DCAF8L2: variants seen among roughly 807,000 people sequenced by gnomAD.
The protein encoded by DCAF8L2 is DDB1 and CUL4 associated factor 8 like 2, also known as DDB1- and CUL4-associated factor 8-like protein 2.
For synonymous variants in DCAF8L2, 200 were observed against 190.9 expected (o/e 1.05, Z -0.39); for missense variants, 430 against 490.7 (o/e 0.88, Z 1.17).
At chrX:27,514,673 AAAAAAAAAAAAAAAAAAAAAAAC>A in the DCAF8L2 span, among the ~76,000 whole-genome samples, 43 of 66,607 alleles carry the variant, frequency 6.5e-4, no homozygotes, top group African/African-American at 2.8e-3. Flanking sequence ...CGTCTCAAAA[AAAAAAAAAAAAAAAAAAAAAAAC>A]AAAAAAAAAA....
chrX:27,668,521 C>T (rs1032558880), intron 2 of DCAF8L2, among the ~76,000 whole-genome samples: 18 of 111,766 alleles, frequency 1.6e-4, no homozygotes, highest in African/African-American at 5.5e-4. Flanking sequence ...GTGGCTCACA[C>T]CTAGAGTTGT....
intron 4 of DCAF8L2, among the ~76,000 whole-genome samples, chrX:27,719,314 T>C (rs1424290035): frequency 9.0e-6 from 1 of 111,329 alleles, no homozygotes; most frequent in Non-Finnish European, 1.9e-5. Flanking sequence ...AGAACACTTT[T>C]TCTTATGATA....
chrX:27,602,578 C>T (rs1056254548), intron 1 of DCAF8L2, among the ~76,000 whole-genome samples: 2 of 110,392 alleles, frequency 1.8e-5, no homozygotes, highest in African/African-American at 6.6e-5. Flanking sequence ...TTTTATTGTC[C>T]TAAGAAAGTC....
intron 4 of DCAF8L2, among the ~76,000 whole-genome samples, chrX:27,744,017 GC>G (rs1922029607): frequency 9.0e-6 from 1 of 111,400 alleles, no homozygotes; most frequent in African/African-American, 3.3e-5. Flanking sequence ...ATAGACGTGA[GC>G]CACCAGGCCT....
At chrX:27,576,869 C>A in the DCAF8L2 span, among the ~76,000 whole-genome samples, 2 of 111,768 alleles carry the variant, frequency 1.8e-5, no homozygotes, top group Non-Finnish European at 3.8e-5. Context: ...TGAACTCAAA[C>A]TATCTATTAT....
At chrX:27,542,753 G>A in the DCAF8L2 span, among the ~76,000 whole-genome samples, 1 of 108,202 alleles carries the variant, frequency 9.2e-6, no homozygotes, top group Non-Finnish European at 1.9e-5. Context: ...CGTTTTAGCC[G>A]GGATGGTCTC....
At chrX:27,554,862 C>T in the DCAF8L2 span, among the ~76,000 whole-genome samples, 1 of 111,603 alleles carries the variant, frequency 9.0e-6, no homozygotes, top group African/African-American at 3.3e-5. Context: ...CACCAAGGAG[C>T]AGACATGCAC....
chrX:27,720,377 T>C (rs1931854243), intron 4 of DCAF8L2, among the ~76,000 whole-genome samples: 1 of 110,928 alleles, frequency 9.0e-6, no homozygotes, highest in Non-Finnish European at 1.9e-5. Context: ...TTATTATTAT[T>C]TTTTTTTGAG....
the DCAF8L2 span, among the ~76,000 whole-genome samples, chrX:27,536,481 AT>A: frequency 8.9e-6 from 1 of 112,446 alleles, no homozygotes; most frequent in Non-Finnish European, 1.9e-5. Context: ...AGGCCACCTT[AT>A]TTTTAGTTGT....
the DCAF8L2 span, among the ~76,000 whole-genome samples, chrX:27,555,607 A>G: frequency 1.8e-5 from 2 of 112,270 alleles, no homozygotes; most frequent in South Asian, 7.4e-4. Context: ...TTCCAGATTT[A>G]TCCTTTAATA....
In DCAF8L2 at chrX:27,702,613, A is replaced by G. The variant is rs145300494; in HGVS notation, c.-142-13475A>G. Among the ~76,000 whole-genome samples, 1,030 of 111,383 alleles carry G rather than the reference A, an allele frequency of 9.2e-3. 14 individuals carry two copies. Among genetic ancestry groups the G allele is most frequent in the African/African-American group, 0.032 (987 of 30,807 alleles). On this transcript the variant is annotated intron_variant, in intron 3 of 4. Transcript: ENST00000451261. ...TAAAAATAGCAAAAAACACATAATCATCTTAATAGATACAGAATAAACATT... is the reference window on the plus strand; with the variant it reads ...TAAAAATAGCAAAAAACACATAATCGTCTTAATAGATACAGAATAAACATT...
chrX:27,519,723 T>G, the DCAF8L2 span: 1 of 570,927 alleles, frequency 1.8e-6, no homozygotes, highest in Non-Finnish European at 3.2e-6. Flanking sequence ...AGAAGCAACT[T>G]CAGGCATTAA....
At chrX:27,552,226 T>G in the DCAF8L2 span, among the ~76,000 whole-genome samples, 2 of 111,838 alleles carry the variant, frequency 1.8e-5, no homozygotes, top group East Asian at 2.8e-4. Context: ...AATTTGCAAA[T>G]ATTTTTCCCA....
chrX:27,537,098 T>A, the DCAF8L2 span, among the ~76,000 whole-genome samples: 1 of 112,081 alleles, frequency 8.9e-6, no homozygotes, highest in East Asian at 2.8e-4. Flanking sequence ...ATAGTTGGCA[T>A]ATTTTAAAAA....
chrX:27,502,335 A>AAAATATAT, the DCAF8L2 span, among the ~76,000 whole-genome samples: 10 of 12,710 alleles, frequency 7.9e-4, no homozygotes, highest in Admixed American at 1.8e-3. Flanking sequence ...AAAAAAAAAA[A>AAAATATAT]ATATATATAT....
chrX:27,632,198 C>G (rs182635404), intron 2 of DCAF8L2, 198 bp downstream of exon 2: 1 of 112,068 alleles, frequency 8.9e-6, no homozygotes, highest in East Asian at 2.8e-4. Flanking sequence ...ATGTGCTATA[C>G]CCAGGTGCTG....
intron 2 of DCAF8L2, among the ~76,000 whole-genome samples, chrX:27,671,057 A>AG (rs1347453613): frequency 9.0e-6 from 1 of 111,482 alleles, no homozygotes; most frequent in Admixed American, 9.6e-5. Context: ...CACACTGGGG[A>AG]GGGGGTGGTA....
At chrX:27,709,370 T>C (rs756561773) in intron 3 of DCAF8L2, among the ~76,000 whole-genome samples, 1 of 112,730 alleles carries the variant, frequency 8.9e-6, no homozygotes, top group Admixed American at 9.4e-5. Flanking sequence ...TAACTTATTT[T>C]GTTGATTAGT....
At chrX:27,495,005 A>G in the DCAF8L2 span, among the ~76,000 whole-genome samples, 1 of 111,460 alleles carries the variant, frequency 9.0e-6, no homozygotes, top group Non-Finnish European at 1.9e-5. Flanking sequence ...TCAAAGACGT[A>G]CTGCTCTATT....
Sources: gnomAD v4.1 joint callset for allele counts (sites outside exome capture counted in the v4.1 genomes callset) on GRCh38, gnomAD v4.1.1 for gene constraint, MANE v1.5 for transcripts, NCBI Gene and HGNC (gene_info 2026-07-23, HGNC 2026-07-21) for gene names.